The following FAM184A variants were observed in gnomAD, a reference collection of about 807,000 sequenced individuals.
FAM184A encodes family with sequence similarity 184 member A.
FAM184A carries 99 observed loss-of-function variants against 143.8 expected under a neutral mutation model. The observed-to-expected ratio is 0.69, with a 90% CI of 0.58 to 0.81. FAM184A has a LOEUF of 0.81. Among genes scored for constraint, FAM184A ranks in the 40% least tolerant of loss-of-function variants. The pLI, the probability that FAM184A is intolerant of heterozygous loss-of-function variation, is 0.00. For synonymous variants in FAM184A, 427 were observed against 446.4 expected (o/e 0.96, Z 0.55); for missense variants, 1,217 against 1,310.5 (o/e 0.93, Z 1.10).
chr6:119,086,732 G>A (rs1488241363), intron 1 of FAM184A, among the ~76,000 whole-genome samples: 1 of 152,140 alleles, frequency 6.6e-6, no homozygotes, highest in African/African-American at 2.4e-5. Context: ...GCCATTGGAG[G>A]GCTTTAAGCA....
intron 1 of FAM184A, among the ~76,000 whole-genome samples, chr6:119,044,196 A>G (rs1398686693): frequency 6.6e-6 from 1 of 152,222 alleles, no homozygotes; most frequent in African/African-American, 2.4e-5. Flanking sequence ...AAAAAGAAAT[A>G]TAAGGCATCC....
At position 119,020,010 on chromosome 6, in the gene FAM184A, C is replaced by A; in HGVS notation, c.1300G>T (p.Glu434Ter). ...LRSKTQSLDE[E>*]QKQQILELEK... ...AGTTCTAGAATCTGTTGCTTCTGCT[C>A]TTCATCCAGACTTTGGGTTTTGCTT... Residue 434 changes from glutamate to a stop codon, truncating the protein, a stop_gained, in exon 4 of 18, where the codon GAG becomes TAG. Transcript: ENST00000338891. LOFTEE classifies it high-confidence loss of function. 6.2e-7 allele frequency: 1 copy of A among 1,601,758 alleles called. No homozygotes were observed.
intron 9 of FAM184A, among the ~76,000 whole-genome samples, chr6:118,998,113 C>G (rs181845375): frequency 6.6e-6 from 1 of 152,270 alleles, no homozygotes; most frequent in African/African-American, 2.4e-5. Context: ...CACCCACACC[C>G]CACCCCAAAT....
intron 1 of FAM184A, among the ~76,000 whole-genome samples, chr6:119,095,698 A>G (rs1470645768): frequency 6.6e-6 from 1 of 152,100 alleles, no homozygotes; most frequent in African/African-American, 2.4e-5. Context: ...AGCTAGGACT[A>G]CAAGTGCACA....
At chr6:119,101,259 A>T (rs1026763346) in intron 1 of FAM184A, among the ~76,000 whole-genome samples, 1 of 151,512 alleles carries the variant, frequency 6.6e-6, no homozygotes, top group African/African-American at 2.4e-5. Flanking sequence ...TTTAGTAGAG[A>T]CGGGGTTTCT....
In FAM184A at chr6:119,125,854, C is replaced by T. The variant is rs143634737; in HGVS notation, c.-202+23224G>A. 3.0e-3 allele frequency among the ~76,000 whole-genome samples: 455 copies of T among 152,286 alleles called. 3 individuals are homozygous for T. Among genetic ancestry groups the T allele is most frequent in the African/African-American group, 0.01 (427 of 41,554 alleles). On this transcript the variant is annotated intron_variant, in intron 1 of 16. Coordinates refer to the FAM184A transcript ENST00000352896. Reference sequence around the variant, plus strand: ...GGAGGACTTCCTGGTAGCACTCCAGCCACTCAGAGTTGTAAAATTTCCCTG... The same window carrying T: ...GGAGGACTTCCTGGTAGCACTCCAGTCACTCAGAGTTGTAAAATTTCCCTG...
intron 9 of FAM184A, among the ~76,000 whole-genome samples, chr6:118,984,023 G>A (rs113629704): frequency 0.023 from 3,481 of 149,984 alleles, 155 homozygotes; most frequent in African/African-American, 0.081. Context: ...GGTGGCGGGC[G>A]CCTGTAATCC....
rs1787934210 is a variant in FAM184A, at chr6:119,078,039, T to TCC, written c.159+100_159+101dup. 20 of 1,348,464 alleles carry TCC rather than the reference T, an allele frequency of 1.5e-5. No individual in the cohort carries two copies. Among genetic ancestry groups the TCC allele is most frequent in the Middle Eastern group, 2.6e-4 (1 of 3,898 alleles). The allele number at this position is 1,348,464 out of a possible 1,614,324, so 83.5% of individuals were successfully genotyped here. A position where few individuals can be genotyped will look rare whatever the true frequency, so the allele number is the denominator to read the frequency against. On this transcript the variant is annotated intron_variant, in intron 1 of 17. Coordinates refer to ENST00000338891, the MANE Select transcript of FAM184A (RefSeq NM_024581.6). This position sits in a 1 kb window ranked among gnomAD's most constrained non-coding sequence, Gnocchi z 5.5. Reference sequence around the variant, plus strand: ...TGTTGCTTCGGCGGAGGAGTAGAGTTCCCCTCGCTGCGGGCGCAGGGCGCA... The same window carrying TCC: ...TGTTGCTTCGGCGGAGGAGTAGAGTTCCCCCCTCGCTGCGGGCGCAGGGCGCA...
intron 6 of FAM184A, chr6:119,011,037 G>A: frequency 3.6e-6 from 1 of 276,220 alleles, no homozygotes; most frequent in Admixed American, 5.0e-5. Flanking sequence ...CAAAAGGGTA[G>A]AGAACTCTCT....
At chr6:119,037,939 T>G (rs888298800) in intron 1 of FAM184A, among the ~76,000 whole-genome samples, 1 of 152,166 alleles carries the variant, frequency 6.6e-6, no homozygotes, top group African/African-American at 2.4e-5. Context: ...TCTCAATATG[T>G]GAGGACAGAA....
intron 1 of FAM184A, among the ~76,000 whole-genome samples, chr6:119,058,329 T>A (rs551724338): frequency 6.6e-6 from 1 of 151,958 alleles, no homozygotes; most frequent in South Asian, 2.1e-4. Flanking sequence ...CTTGCCTCAG[T>A]AGCTGGGATT....
intron 4 of FAM184A, 83 bp from the exon 5 acceptor site, chr6:119,017,027 G>C (rs1442671575): frequency 2.3e-6 from 2 of 883,626 alleles, no homozygotes; most frequent in African/African-American, 1.7e-5. Flanking sequence ...CTATAAATAT[G>C]GAAGCTTGAA....
intron 5 of FAM184A, among the ~76,000 whole-genome samples, chr6:119,011,762 T>G (rs1281403271): frequency 6.6e-6 from 1 of 152,252 alleles, no homozygotes; most frequent in African/African-American, 2.4e-5. Context: ...TCAAATTCTT[T>G]TATGTTTGCA....
Position 119,078,220 on chromosome 6 carries a change from G to A in FAM184A, c.80C>T (p.Ala27Val). The change falls in exon 1 of 18, where the codon GCA becomes GTA. Residue 27 changes from alanine to valine, a missense_variant. Transcript: ENST00000338891. This position sits in a 1 kb window ranked among gnomAD's most constrained non-coding sequence, Gnocchi z 5.5. ...GTCCATGCTGTGCCCAGCCAGCTGT[G>A]CGGTGGCCGGCGAGGGCGCGAATTT... ...AAKFAPSPAT[A>V]QLAGHSMDYS... 6.5e-7 allele frequency: 1 copy of A among 1,549,732 alleles called. No individual in the cohort carries two copies. Among genetic ancestry groups the A allele is most frequent in the Middle Eastern group, 1.7e-4 (1 of 5,982 alleles).
rs1452498942 is a variant in FAM184A at position 119,077,456 on chromosome 6, T to A, written c.159+685A>T. On this transcript the variant is annotated intron_variant, in intron 1 of 17. Coordinates refer to ENST00000338891, the MANE Select transcript of FAM184A (RefSeq NM_024581.6). ...TACCAATTCCTTCTCATTATCAACA[T>A]TAAATTAGAAAAAAAGTTCACTAAT... 2.0e-5 allele frequency among the ~76,000 whole-genome samples: 3 copies of A among 152,222 alleles called. No individual in the cohort carries two copies. In the South Asian group the frequency reaches 6.2e-4, roughly 32 times the overall value.
At position 119,027,038 on chromosome 6, in the gene FAM184A, C is replaced by T. The variant is rs1259456241; in HGVS notation, c.160-2225G>A. Among the ~76,000 whole-genome samples, 3 of 152,152 alleles carry T rather than the reference C, an allele frequency of 2.0e-5. No individual in the cohort carries two copies. The South Asian group carries it at 6.2e-4, about 32-fold the overall frequency. On this transcript the variant is annotated intron_variant, in intron 1 of 17. Transcript: ENST00000338891. ...ATGACAAGAACCTTGGCGTCCACAA[C>T]CCCCTTATCTAACTAAACTCAAGCA...
At chr6:119,041,752 A>T (rs367970589) in intron 1 of FAM184A, among the ~76,000 whole-genome samples, 1 of 152,098 alleles carries the variant, frequency 6.6e-6, no homozygotes, top group East Asian at 1.9e-4. Flanking sequence ...TGATCCAGTG[A>T]GGTGCCCACT....
At chr6:119,102,539 G>A (rs1464297518) in intron 1 of FAM184A, among the ~76,000 whole-genome samples, 1 of 152,028 alleles carries the variant, frequency 6.6e-6, no homozygotes, top group Admixed American at 6.6e-5. Flanking sequence ...TGTAATCACA[G>A]CACTTTGGAA....
At position 119,029,338 on chromosome 6, in the gene FAM184A, C is replaced by A. The variant is rs557650603; in HGVS notation, c.160-4525G>T. 2.9e-3 allele frequency among the ~76,000 whole-genome samples: 436 copies of A among 152,312 alleles called. 12 individuals are homozygous for A. The South Asian group carries it at 0.072, about 25-fold the overall frequency. On this transcript the variant is annotated intron_variant, in intron 1 of 17. Coordinates refer to ENST00000338891, the MANE Select transcript of FAM184A (RefSeq NM_024581.6). ...AAATATGTGAGTTTCCCCTTGTCGA[C>A]AATTTATTGAAATAATCTTCTCTTT...
Sources: gnomAD v4.1 joint callset for allele counts (sites outside exome capture counted in the v4.1 genomes callset) on GRCh38, gnomAD v4.1.1 for gene constraint, Gnocchi (gnomAD v3.1) non-coding constraint, MANE v1.5 for transcripts, NCBI Gene and HGNC (gene_info 2026-07-23, HGNC 2026-07-21) for gene names.